Variants in ANKRD42 observed in about 807,000 individuals in gnomAD.
ANKRD42 encodes ankyrin repeat domain 42.
In ANKRD42, 43 loss-of-function variants were observed where a neutral mutation model predicts 51.5. The observed-to-expected ratio is 0.83, with a 90% confidence interval of 0.65 to 1.08. The LOEUF (loss-of-function observed/expected upper bound fraction) is 1.08, where lower values mean the gene tolerates loss of function less well. Ranked by LOEUF, ANKRD42 falls within the 50% of genes least tolerant of loss-of-function variation. The probability of loss-of-function intolerance (pLI) is 0.00; values close to 1 mark genes in which losing one functional copy is unlikely to be tolerated. For missense variants in ANKRD42, 608 were observed against 629.3 expected, an observed-to-expected ratio of 0.97 and a Z score of 0.36; for synonymous variants, 203 against 213.0, an observed-to-expected ratio of 0.95 and a Z score of 0.41.
chr11:83,222,635 A>G (rs1862749215), intron 5 of ANKRD42, among the ~76,000 whole-genome samples: 1 of 152,204 alleles, frequency 6.6e-6, no homozygotes, highest in African/African-American at 2.4e-5. Context: ...AGGTAACAGC[A>G]AGTGTAAATC....
At position 83,201,502 on chromosome 11, in the gene ANKRD42, A is replaced by C. The variant is rs138260443; in HGVS notation, c.222+2860A>C. 4.9e-3 allele frequency among the ~76,000 whole-genome samples: 754 copies of C among 152,328 alleles called. 5 individuals are homozygous for C. Among genetic ancestry groups the C allele is most frequent in the African/African-American group, 0.017 (719 of 41,578 alleles). ...TAGAATGATTTATAATCCTTTGGGC[A>C]TATACCCAGTAATATATGACCAGGA... On this transcript the variant is annotated intron_variant, in intron 2 of 10. Transcript: ENST00000533342.
At chr11:83,221,458 A>C (rs1464367600) in intron 5 of ANKRD42, among the ~76,000 whole-genome samples, 1 of 152,090 alleles carries the variant, frequency 6.6e-6, no homozygotes, top group South Asian at 2.1e-4. Context: ...ATGTACATCT[A>C]TGTCTTTGCA....
chr11:83,224,708 C>T, intron 5 of ANKRD42, 147 bp from the exon 6 acceptor site: 1 of 523,326 alleles, frequency 1.9e-6, no homozygotes, highest in East Asian at 3.7e-5. Flanking sequence ...CACTTGAGCC[C>T]AGGAGTTGGA....
chr11:83,240,238 C>T (rs1409166786), intron 8 of ANKRD42, among the ~76,000 whole-genome samples: 1 of 152,074 alleles, frequency 6.6e-6, no homozygotes, highest in East Asian at 1.9e-4. Flanking sequence ...AATTAGAAAA[C>T]ATGAATGGAA....
At chr11:83,247,219 C>A (rs900211170) in intron 10 of ANKRD42, among the ~76,000 whole-genome samples, 1 of 151,698 alleles carries the variant, frequency 6.6e-6, no homozygotes, top group African/African-American at 2.4e-5. Flanking sequence ...AAAATTATTT[C>A]CTACTAATGA....
intron 5 of ANKRD42, among the ~76,000 whole-genome samples, chr11:83,216,613 C>T (rs554319812): frequency 9.9e-5 from 15 of 152,280 alleles, no homozygotes; most frequent in East Asian, 1.9e-4. Context: ...CGTGAGCCAC[C>T]GCGCCCGGCC....
Position 83,248,228 on chromosome 11 carries a change from T to C in ANKRD42, c.*24T>C. 6.8e-7 allele frequency: 1 copy of C among 1,470,126 alleles called. No individual in the cohort carries two copies. Among genetic ancestry groups the C allele is most frequent in the South Asian group, 1.4e-5 (1 of 74,022 alleles). The allele number at this position is 1,470,126 out of a possible 1,614,324, so 91.1% of individuals were successfully genotyped here. A position where few individuals can be genotyped will look rare whatever the true frequency, so the allele number is the denominator to read the frequency against. ...GATTTGGGCTACTCATTTAACCTTT[T>C]TGTGCCTCAACTATAAACTGGAGAT... On this transcript the variant is annotated 3_prime_UTR_variant, in exon 11 of 11. Transcript: ENST00000533342.
chr11:83,213,658 A>G lies in ANKRD42; in HGVS notation c.586+2228A>G, dbSNP rs1343749409. The G allele has an allele frequency of 1.1e-5, 9 of 800,574 alleles. 1 individual carries two copies. The Middle Eastern group carries it at 2.2e-3, about 191-fold the overall frequency. The allele number at this position is 800,574 out of a possible 1,614,324, so 49.6% of individuals were successfully genotyped here. On this transcript the variant is annotated intron_variant, in intron 5 of 10. Transcript: ENST00000533342. ...ATGTTGAACATCATTTCGTACGTTTAAAGGCTATTTGGTTTTTTTGTGTGT... is the reference window on the plus strand; with the variant it reads ...ATGTTGAACATCATTTCGTACGTTTGAAGGCTATTTGGTTTTTTTGTGTGT...
chr11:83,262,709 A>G (rs560958414), downstream of ANKRD42, among the ~76,000 whole-genome samples: 2 of 152,334 alleles, frequency 1.3e-5, no homozygotes, highest in African/African-American at 4.8e-5. Context: ...AAGTAAAGTT[A>G]TTCATAATGT....
chr11:83,193,741 C>G lies in ANKRD42; in HGVS notation c.-930C>G, dbSNP rs956508656. On this transcript the variant is annotated 5_prime_UTR_variant, in exon 1 of 11. Coordinates refer to ENST00000533342, the MANE Select transcript of ANKRD42 (RefSeq NM_001300975.2). ...GTTTCCAAGGCGACGGCCCTGCTGC[C>G]TCTCCAGCCAAGTGGCTGGAGTCGG... 2.4e-6 allele frequency: 1 copy of G among 421,978 alleles called. No homozygotes were observed. Among genetic ancestry groups the G allele is most frequent in the Non-Finnish European group, 4.7e-6 (1 of 211,498 alleles). The allele number at this position is 421,978 out of a possible 1,614,324, so 26.1% of individuals were successfully genotyped here. A position where few individuals can be genotyped will look rare whatever the true frequency, so the allele number is the denominator to read the frequency against.
chr11:83,211,094 C>T (rs559379275), intron 4 of ANKRD42, among the ~76,000 whole-genome samples: 3 of 152,260 alleles, frequency 2.0e-5, no homozygotes, highest in East Asian at 1.9e-4. Context: ...TTATGTGACT[C>T]GTTCTTTTGA....
intron 5 of ANKRD42, among the ~76,000 whole-genome samples, chr11:83,221,939 G>C (rs947430484): frequency 2.0e-5 from 3 of 152,212 alleles, no homozygotes; most frequent in Non-Finnish European, 4.4e-5. Context: ...GATAGGGACA[G>C]GTCTTCTGCC....
chr11:83,227,962 C>T, intron 7 of ANKRD42, 90 bp downstream of exon 7: 1 of 1,455,638 alleles, frequency 6.9e-7, no homozygotes, highest in Non-Finnish European at 9.1e-7. Context: ...ACACATGAAA[C>T]ATGAAACTTT....
In ANKRD42 at chr11:83,236,390, CT is replaced by C. The variant is rs750870358; in HGVS notation, c.914-7del. ...TTGTGTGTAATTCCTGTTCTTTTTCCTTTTTTTGAACAGCTGCTGGACAAGG... is the reference window on the plus strand; with the variant it reads ...TTGTGTGTAATTCCTGTTCTTTTTCCTTTTTTGAACAGCTGCTGGACAAGG... On this transcript the variant is annotated splice_polypyrimidine_tract_variant and intron_variant, in intron 7 of 10. Coordinates refer to ENST00000533342, the MANE Select transcript of ANKRD42 (RefSeq NM_001300975.2). 5.5e-5 allele frequency: 87 copies of C among 1,577,810 alleles called. 1 individual carries two copies. In the South Asian group the frequency reaches 9.0e-4, roughly 16 times the overall value.
At chr11:83,197,841 A>G (rs572506616) in intron 1 of ANKRD42, among the ~76,000 whole-genome samples, 1 of 152,226 alleles carries the variant, frequency 6.6e-6, no homozygotes, top group Non-Finnish European at 1.5e-5. Flanking sequence ...AGATGTTGAT[A>G]AAATATATTT....
chr11:83,212,061 A>G (rs1862343876), intron 5 of ANKRD42, among the ~76,000 whole-genome samples: 1 of 151,834 alleles, frequency 6.6e-6, no homozygotes, highest in African/African-American at 2.4e-5. Context: ...TCTCTGCCCC[A>G]TAGACAACTT....
At chr11:83,249,453 C>T (rs1863637503), downstream of ANKRD42, among the ~76,000 whole-genome samples, 1 of 152,176 alleles carries the variant, frequency 6.6e-6, no homozygotes, top group African/African-American at 2.4e-5. Context: ...TGTTGTTCTT[C>T]AGCTGCCTAG....
intron 8 of ANKRD42, among the ~76,000 whole-genome samples, chr11:83,237,675 C>T (rs1863263203): frequency 6.6e-6 from 1 of 152,082 alleles, no homozygotes; most frequent in Non-Finnish European, 1.5e-5. Context: ...GTACCATGTA[C>T]CTGGGATCAT....
chr11:83,235,435 G>T (rs1863195149), intron 7 of ANKRD42, among the ~76,000 whole-genome samples: 1 of 152,222 alleles, frequency 6.6e-6, no homozygotes, highest in African/African-American at 2.4e-5. Context: ...TGTTAAAGAT[G>T]AGGAAATTGA....
Sources: gnomAD v4.1 joint callset for allele counts (sites outside exome capture counted in the v4.1 genomes callset) on GRCh38, gnomAD v4.1.1 for gene constraint, MANE v1.5 for transcripts, NCBI Gene and HGNC (gene_info 2026-07-23, HGNC 2026-07-21) for gene names.